Variants in RASAL2 observed in about 807,000 individuals in gnomAD.
RASAL2 encodes RAS protein activator like 2.
RASAL2 carries 58 observed loss-of-function variants against 128.9 expected under a neutral mutation model. The observed-to-expected ratio is 0.45, with a 90% CI of 0.36 to 0.56. The LOEUF is 0.56. Ranked by LOEUF, RASAL2 falls within the 20% of genes least tolerant of loss-of-function variation. RASAL2 has a pLI of 0.00. For synonymous variants in RASAL2, 561 were observed against 580.8 expected (o/e 0.97, Z 0.49); for missense variants, 1,360 against 1,601.6 (o/e 0.85, Z 2.57).
At chr1:178,250,804 A>G (rs1202259143) in intron 1 of RASAL2, among the ~76,000 whole-genome samples, 1 of 152,128 alleles carries the variant, frequency 6.6e-6, no homozygotes, top group Non-Finnish European at 1.5e-5. Context: ...GTGTCCTTAC[A>G]CTGTGTTTGC....
At chr1:178,183,198 G>C (rs1662175638) in intron 1 of RASAL2, among the ~76,000 whole-genome samples, 1 of 152,104 alleles carries the variant, frequency 6.6e-6, no homozygotes, top group Admixed American at 6.5e-5. Flanking sequence ...CTAGTTTCCA[G>C]GGTTACTTAG....
chr1:178,299,522 G>A lies in RASAL2; in HGVS notation c.331-470G>A, dbSNP rs6686258. On this transcript the variant is annotated intron_variant, in intron 2 of 17. Coordinates refer to ENST00000367649, the MANE Select transcript of RASAL2 (RefSeq NM_170692.4). Reference sequence around the variant, plus strand: ...TTTCTTTTTTCTTTTTTTTTGAGATGGAGTCTTGCTGTGTCACCAGGCTGG... The same window carrying A: ...TTTCTTTTTTCTTTTTTTTTGAGATAGAGTCTTGCTGTGTCACCAGGCTGG... Among the ~76,000 whole-genome samples, 651 of 151,568 alleles carry A rather than the reference G, an allele frequency of 4.3e-3. 15 individuals are homozygous for A. Among genetic ancestry groups the A allele is most frequent in the African/African-American group, 0.015 (625 of 41,322 alleles).
At chr1:178,164,521 G>T (rs964101641) in intron 1 of RASAL2, among the ~76,000 whole-genome samples, 3 of 150,150 alleles carry the variant, frequency 2.0e-5, no homozygotes, top group East Asian at 2.0e-4. Flanking sequence ...GTGTGTGTGT[G>T]TGTTTTAAAC....
intron 9 of RASAL2, among the ~76,000 whole-genome samples, chr1:178,447,618 C>G (rs1438839105): frequency 1.5e-5 from 2 of 136,878 alleles, no homozygotes; most frequent in African/African-American, 5.7e-5. Flanking sequence ...TTGCGGTAAG[C>G]CAAGATTATA....
intron 8 of RASAL2, 46 bp from the exon 9 acceptor site, chr1:178,445,472 T>C: frequency 6.3e-7 from 1 of 1,588,014 alleles, no homozygotes; most frequent in Non-Finnish European, 8.6e-7. Flanking sequence ...CTAATGTGTA[T>C]TATTTATTCA....
chr1:178,168,350 G>A (rs1459372589), intron 1 of RASAL2, among the ~76,000 whole-genome samples: 2 of 150,758 alleles, frequency 1.3e-5, no homozygotes, highest in Admixed American at 6.6e-5. Context: ...ATATGAAGAT[G>A]TAGATACATA....
intron 1 of RASAL2, among the ~76,000 whole-genome samples, chr1:178,197,326 C>CA (rs1315785778): frequency 6.6e-6 from 1 of 152,092 alleles, no homozygotes; most frequent in African/African-American, 2.4e-5. Flanking sequence ...CTTGGTGGCT[C>CA]ACGTCTGTAA....
chr1:178,235,877 G>A (rs1664211046), intron 1 of RASAL2, among the ~76,000 whole-genome samples: 1 of 152,126 alleles, frequency 6.6e-6, no homozygotes, highest in South Asian at 2.1e-4. Flanking sequence ...TTATCTAAGA[G>A]AAAGTAATTA....
At chr1:178,214,555 T>A (rs1663361816) in intron 1 of RASAL2, among the ~76,000 whole-genome samples, 1 of 151,814 alleles carries the variant, frequency 6.6e-6, no homozygotes, top group African/African-American at 2.4e-5. Context: ...TCACCTGGAC[T>A]ATGTATTTTT....
chr1:178,380,329 AAG>A (rs1292886903), intron 3 of RASAL2, among the ~76,000 whole-genome samples: 1 of 152,224 alleles, frequency 6.6e-6, no homozygotes, highest in Non-Finnish European at 1.5e-5. Context: ...TCAAAAGAAA[AAG>A]AAAAAAATTA....
chr1:178,438,212 G>A (rs1367867303), intron 5 of RASAL2, among the ~76,000 whole-genome samples: 5 of 151,622 alleles, frequency 3.3e-5, no homozygotes, highest in Non-Finnish European at 7.4e-5. Flanking sequence ...TGATTAAACA[G>A]TGTTAGAATA....
chr1:178,153,837 C>T (rs1398629602), intron 1 of RASAL2, among the ~76,000 whole-genome samples: 1 of 151,716 alleles, frequency 6.6e-6, no homozygotes, highest in Non-Finnish European at 1.5e-5. Context: ...CTATGATTAA[C>T]ATTTTTTTGT....
At chr1:178,201,174 C>T (rs775254569) in intron 1 of RASAL2, among the ~76,000 whole-genome samples, 5 of 152,224 alleles carry the variant, frequency 3.3e-5, no homozygotes, top group East Asian at 3.9e-4. Context: ...GTGGATGGAA[C>T]GTAGAGTTGG....
At chr1:178,348,453 C>T (rs1670263792) in intron 3 of RASAL2, among the ~76,000 whole-genome samples, 1 of 152,118 alleles carries the variant, frequency 6.6e-6, no homozygotes, top group Non-Finnish European at 1.5e-5. Flanking sequence ...ACGACTACAC[C>T]TGGCTAATTT....
chr1:178,218,484 C>T (rs990415870), intron 1 of RASAL2, among the ~76,000 whole-genome samples: 6 of 152,030 alleles, frequency 3.9e-5, no homozygotes, highest in Non-Finnish European at 8.8e-5. Context: ...GTCAGGAGTT[C>T]AAGACCAGCC....
intron 1 of RASAL2, among the ~76,000 whole-genome samples, chr1:178,261,461 A>G (rs1271390790): frequency 6.6e-6 from 1 of 152,180 alleles, no homozygotes; most frequent in Non-Finnish European, 1.5e-5. Flanking sequence ...TTTATGTTGC[A>G]GTAGTTACTC....
intron 1 of RASAL2, among the ~76,000 whole-genome samples, chr1:178,150,674 C>A (rs1220814172): frequency 6.6e-6 from 1 of 151,870 alleles, no homozygotes; most frequent in African/African-American, 2.4e-5. Context: ...GTTGGATCCT[C>A]ATTATTCATC....
intron 1 of RASAL2, among the ~76,000 whole-genome samples, chr1:178,144,260 A>G (rs1271973237): frequency 1.3e-5 from 2 of 152,028 alleles, no homozygotes; most frequent in Non-Finnish European, 2.9e-5. Context: ...TCTGACACCA[A>G]TTCTGTATTT....
chr1:178,464,229 C>T (rs1182284017), intron 14 of RASAL2, 49 bp from the exon 15 acceptor site: 1 of 1,546,788 alleles, frequency 6.5e-7, no homozygotes, highest in Non-Finnish European at 8.8e-7. Context: ...TGAAACATAG[C>T]ACACGGGTGA....
Sources: allele counts gnomAD v4.1 joint callset (sites outside exome capture counted in the v4.1 genomes callset), GRCh38; gene constraint gnomAD v4.1.1; transcripts MANE v1.5; gene names NCBI Gene and HGNC (gene_info 2026-07-23, HGNC 2026-07-21).